The following PACS2 variants were observed in gnomAD, a reference collection of about 807,000 sequenced individuals.
PACS2 encodes the protein PACS1-like protein.
In PACS2, 36 loss-of-function variants were observed where a neutral mutation model predicts 113.0. The observed-to-expected ratio is 0.32, with a 90% CI of 0.24 to 0.42. PACS2 has a LOEUF of 0.42. Ranked by LOEUF, PACS2 falls within the 10% of genes least tolerant of loss-of-function variation. The pLI is 1.00. For synonymous variants in PACS2, 589 were observed against 536.1 expected, an observed-to-expected ratio of 1.10 and a Z score of -1.36; for missense variants, 1,015 against 1,239.5, an observed-to-expected ratio of 0.82 and a Z score of 2.72.
Position 105,362,358 on chromosome 14 carries a change from A to C in PACS2, c.424-4855A>C, listed in dbSNP as rs190760236. Among the ~76,000 whole-genome samples the C allele has an allele frequency of 8.5e-4, 125 of 147,900 alleles. 2 individuals carry two copies. In the East Asian group the frequency reaches 0.025, roughly 29 times the overall value. On this transcript the variant is annotated intron_variant, in intron 4 of 24. Coordinates refer to ENST00000447393, the MANE Select transcript of PACS2 (RefSeq NM_001100913.3). ...GTGTGAACCTGGAGGTGGAGCTTGC[A>C]GTGAGCCGAGATCGCGCCACTGCAC... is the stretch of plus-strand genomic sequence containing the variant.
intron 11 of PACS2, among the ~76,000 whole-genome samples, chr14:105,380,632 C>A (rs1164209448): frequency 2.0e-5 from 3 of 152,202 alleles, no homozygotes; most frequent in Non-Finnish European, 4.4e-5. Context: ...GGACTCCCCC[C>A]ACCCTCAGGT....
intron 3 of PACS2, among the ~76,000 whole-genome samples, chr14:105,353,126 C>G (rs2060284122): frequency 1.5e-5 from 2 of 129,036 alleles, no homozygotes; most frequent in East Asian, 2.5e-4. Context: ...TGACGGGCAC[C>G]CCCTCATCAC....
intron 16 of PACS2, chr14:105,384,151 G>A (rs2081090550): frequency 1.8e-6 from 1 of 562,292 alleles, no homozygotes; most frequent in Non-Finnish European, 3.2e-6. Context: ...CCTCAGCTCA[G>A]GGCTGGAGCT....
At chr14:105,390,966 G>A in intron 20 of PACS2, 1 of 577,984 alleles carries the variant, frequency 1.7e-6, no homozygotes, top group Non-Finnish European at 3.1e-6. Context: ...GCCGACTTTA[G>A]AGAGAGCAGT....
rs2081333810 is a variant in PACS2 at position 105,390,896 on chromosome 14, A to G, written c.2077-311A>G. On this transcript the variant is annotated intron_variant, in intron 20 of 24. Coordinates refer to ENST00000447393, the MANE Select transcript of PACS2 (RefSeq NM_001100913.3). ...CGGGGCCTATCCCCGTCGGCCCGCC[A>G]AGGTCCCTCTCACCAGCGTCCTGTT... 4 of 430,656 alleles carry G rather than the reference A, an allele frequency of 9.3e-6. No individual in the cohort carries two copies. The South Asian group carries it at 1.2e-4, about 13-fold the overall frequency. 26.7% of individuals were successfully genotyped at this position (430,656 alleles called of 1,614,324 possible).
chr14:105,362,301 C>T (rs1332554950), intron 4 of PACS2, among the ~76,000 whole-genome samples: 8 of 151,272 alleles, frequency 5.3e-5, no homozygotes, highest in Non-Finnish European at 1.0e-4. Context: ...GCCTGTAGTC[C>T]CAGCTACTCG....
In PACS2 at chr14:105,392,677, C is replaced by T. The variant is rs2081399459; in HGVS notation, c.2314C>T (p.Pro772Ser). The T allele has an allele frequency of 6.2e-7, 1 of 1,612,466 alleles. No individual in the cohort carries two copies. The highest frequency in any genetic ancestry group is 1.7e-5 in the Admixed American group (1 of 59,946). The change falls in exon 23 of 25, where the codon CCT becomes TCT. Residue 772 changes from proline (P) to serine (S), a missense_variant. Around this residue, in one of 3 missense-constraint regions of PACS2, gnomAD observed 859 missense variants for 1,056.8 expected, o/e 0.81. Transcript: ENST00000447393. ...GGTGGACTACTGGACGGCAGCACAG[C>T]CTGCGGACAGGAAGAGGGACGCCGA... Reference protein sequence around the residue: ...LQVDYWTAAQPADRKRDAEKK... With the variant: ...LQVDYWTAAQSADRKRDAEKK...
chr14:105,338,777 C>T (rs781830595), intron 1 of PACS2, among the ~76,000 whole-genome samples: 1 of 152,354 alleles, frequency 6.6e-6, no homozygotes, highest in East Asian at 1.9e-4. Context: ...GAAAGGACAG[C>T]TCTAAAGTGG....
intron 4 of PACS2, among the ~76,000 whole-genome samples, chr14:105,362,186 C>G (rs143931049): frequency 3.3e-5 from 5 of 150,398 alleles, no homozygotes; most frequent in Middle Eastern, 3.6e-3. Flanking sequence ...TGGGAGGCCA[C>G]GGTGGGCGGA....
chr14:105,306,131 G>A (rs139400564), intron 1 of PACS2, among the ~76,000 whole-genome samples: 11 of 152,304 alleles, frequency 7.2e-5, no homozygotes, highest in African/African-American at 1.9e-4. Context: ...TGAACTGAAC[G>A]TGCTCGTAAC....
intron 1 of PACS2, among the ~76,000 whole-genome samples, chr14:105,327,462 G>A (rs1209662610): frequency 6.6e-6 from 1 of 152,208 alleles, no homozygotes; most frequent in African/African-American, 2.4e-5. Flanking sequence ...GTGACAGGGG[G>A]CTGGGGTGGA....
Position 105,352,478 on chromosome 14 carries a change from C to A in PACS2, c.297+11C>A, listed in dbSNP as rs782362449. 12 of 1,562,380 alleles carry A rather than the reference C, an allele frequency of 7.7e-6. No homozygotes were observed. The highest frequency in any genetic ancestry group is 1.1e-5 in the South Asian group (1 of 90,012). ...ACCTTCTCCTTGCAGGTGAGTCTTT[C>A]ACCAGTGGTGACGACACCCTCATCA... is the stretch of plus-strand genomic sequence containing the variant. On this transcript the variant is annotated intron_variant, in intron 3 of 24. Transcript: ENST00000447393.
chr14:105,386,130 G>T, intron 19 of PACS2, among the ~76,000 whole-genome samples: 1 of 152,356 alleles, frequency 6.6e-6, no homozygotes, highest in South Asian at 2.1e-4. Flanking sequence ...AACCAGGAGC[G>T]AGTGGCTGGT....
At chr14:105,389,668 G>A in intron 19 of PACS2, 1 of 473,398 alleles carries the variant, frequency 2.1e-6, no homozygotes, top group Non-Finnish European at 3.9e-6. Context: ...CCTCCGTGGA[G>A]CTGTGCCCTC....
rs909415751 is a variant in PACS2 at position 105,365,055 on chromosome 14, G to A, written c.424-2158G>A. 6.6e-6 allele frequency among the ~76,000 whole-genome samples: 1 copy of A among 152,244 alleles called. No homozygotes were observed. The highest frequency in any genetic ancestry group is 2.4e-5 in the African/African-American group (1 of 41,466). On this transcript the variant is annotated intron_variant, in intron 4 of 24. Transcript: ENST00000447393. The surrounding 1 kb of genome is among the most constrained non-coding windows in gnomAD (Gnocchi z 5.1). ...AATGGAAGAGGGAGGAGCCTGTCAG[G>A]GTCAGGGGTGGAGGGAGCTGGGCCC... is the stretch of plus-strand genomic sequence containing the variant.
In PACS2 at chr14:105,357,821, C is replaced by T. The variant is rs1809502831; in HGVS notation, c.423+2644C>T. ...GCATGGGTGCTGCCATAGGGACTGT[C>T]GTGAGAGTGGGGTGTCGGTGAGGCT... On this transcript the variant is annotated intron_variant, in intron 4 of 24. Coordinates refer to ENST00000447393, the MANE Select transcript of PACS2 (RefSeq NM_001100913.3). The surrounding 1 kb of genome is among the most constrained non-coding windows in gnomAD (Gnocchi z 5.1). Among the ~76,000 whole-genome samples the T allele has an allele frequency of 1.3e-5, 2 of 151,996 alleles. No homozygotes were observed. Among genetic ancestry groups the T allele is most frequent in the East Asian group, 1.9e-4 (1 of 5,180 alleles).
Position 105,380,942 on chromosome 14 carries a change from G to T in PACS2, c.1126-15G>T. The T allele has an allele frequency of 6.2e-7, 1 of 1,604,088 alleles. No individual in the cohort carries two copies. Among genetic ancestry groups the T allele is most frequent in the Non-Finnish European group, 8.5e-7 (1 of 1,174,430 alleles). On this transcript the variant is annotated splice_polypyrimidine_tract_variant and intron_variant, in intron 11 of 24. Transcript: ENST00000447393. ...GGTTTCCACGGGAGGCTCCAGGCCCGTCTCTGCTCAGCAGGGTGTGCCAGG... is the reference window on the plus strand; with the variant it reads ...GGTTTCCACGGGAGGCTCCAGGCCCTTCTCTGCTCAGCAGGGTGTGCCAGG...
chr14:105,381,374 A>G (rs2080989259), intron 12 of PACS2, among the ~76,000 whole-genome samples: 1 of 152,218 alleles, frequency 6.6e-6, no homozygotes, highest in Admixed American at 6.5e-5. Flanking sequence ...CATCCCCCTG[A>G]GTAGCCCCTG....
rs587656372 is a variant in PACS2 at position 105,340,255 on chromosome 14, G to T, written c.120-8238G>T. ...ATCTGTGGGGAAAGGATATACTTCT[G>T]GGTAAATGGTTTGGTGATAACTGAA... On this transcript the variant is annotated intron_variant, in intron 1 of 24. Coordinates refer to ENST00000447393, the MANE Select transcript of PACS2 (RefSeq NM_001100913.3). This position sits in a 1 kb window ranked among gnomAD's most constrained non-coding sequence, Gnocchi z 4.2. 6.6e-5 allele frequency among the ~76,000 whole-genome samples: 10 copies of T among 152,272 alleles called. No homozygotes were observed. The South Asian group carries it at 2.1e-3, about 32-fold the overall frequency.
Sources: gnomAD v4.1 joint callset for allele counts (sites outside exome capture counted in the v4.1 genomes callset) on GRCh38, gnomAD v4.1.1 for gene constraint, gnomAD v4.1.1 regional missense constraint, Gnocchi (gnomAD v3.1) non-coding constraint, MANE v1.5 for transcripts, NCBI Gene and HGNC (gene_info 2026-07-23, HGNC 2026-07-21) for gene names.